UNC13C: variants seen among roughly 807,000 people sequenced by gnomAD.
UNC13C encodes the protein unc-13 homolog C.
A neutral mutation model predicts 245.4 loss-of-function variants in UNC13C; 174 were observed. That is an observed-to-expected ratio of 0.71 (90% CI 0.63 to 0.80). The LOEUF is 0.80. UNC13C is among the 30% of genes least tolerant of loss of function. UNC13C has a pLI of 0.00. For synonymous variants in UNC13C, 992 were observed against 895.1 expected, an observed-to-expected ratio of 1.11 and a Z score of -1.93; for missense variants, 2,829 against 2,602.9, an observed-to-expected ratio of 1.09 and a Z score of -1.89.
At chr15:53,985,890 A>G (rs1894118892) in intron 1 of UNC13C, among the ~76,000 whole-genome samples, 1 of 151,856 alleles carries the variant, frequency 6.6e-6, no homozygotes, top group South Asian at 2.1e-4. Flanking sequence ...TTTGGTCTAA[A>G]TCTTCCCATT....
At chr15:53,947,993 A>G in the UNC13C span, among the ~76,000 whole-genome samples, 1 of 152,218 alleles carries the variant, frequency 6.6e-6, no homozygotes, top group Non-Finnish European at 1.5e-5. Context: ...CTTTATCAGA[A>G]GGATTGATTT....
intron 13 of UNC13C, among the ~76,000 whole-genome samples, chr15:54,314,495 A>G (rs904951134): frequency 2.0e-5 from 3 of 151,658 alleles, no homozygotes; most frequent in African/African-American, 7.3e-5. Flanking sequence ...AAGCTATACC[A>G]TGGTGGATGG....
intron 4 of UNC13C, among the ~76,000 whole-genome samples, chr15:54,149,658 C>A (rs1320521262): frequency 1.3e-5 from 2 of 152,186 alleles, no homozygotes; most frequent in East Asian, 1.9e-4. Context: ...AGATCAATGT[C>A]TTTAAAGGAC....
intron 1 of UNC13C, among the ~76,000 whole-genome samples, chr15:53,981,666 G>C (rs1595675239): frequency 6.6e-6 from 1 of 152,248 alleles, no homozygotes; most frequent in East Asian, 1.9e-4. Flanking sequence ...TGTAGCTTTT[G>C]AGAATGCAAA....
At chr15:54,129,006 C>G (rs1023346329) in intron 2 of UNC13C, among the ~76,000 whole-genome samples, 1 of 152,230 alleles carries the variant, frequency 6.6e-6, no homozygotes, top group Non-Finnish European at 1.5e-5. Flanking sequence ...GGGCACATCA[C>G]TGCTGCTTCT....
chr15:54,591,520 G>A (rs1377533915), intron 30 of UNC13C, among the ~76,000 whole-genome samples: 2 of 152,048 alleles, frequency 1.3e-5, no homozygotes, highest in African/African-American at 2.4e-5. Flanking sequence ...GGCTAGGAGG[G>A]TTGTATTTTG....
chr15:53,991,410 G>A (rs141887979), intron 1 of UNC13C, among the ~76,000 whole-genome samples: 10 of 151,954 alleles, frequency 6.6e-5, no homozygotes, highest in African/African-American at 2.2e-4. Flanking sequence ...GTTCTTTCTA[G>A]AGCAGAAAAA....
chr15:54,493,975 A>G (rs889194584), intron 19 of UNC13C, among the ~76,000 whole-genome samples: 7 of 152,138 alleles, frequency 4.6e-5, no homozygotes, highest in Non-Finnish European at 7.4e-5. Flanking sequence ...ACTTTAGGTA[A>G]ACCTACAGAA....
At chr15:53,908,751 C>G in the UNC13C span, among the ~76,000 whole-genome samples, 7 of 5,978 alleles carry the variant, frequency 1.2e-3, no homozygotes, top group Non-Finnish European at 1.9e-3. Context: ...GAACCTTTCT[C>G]CAAAAAAAAA....
intron 2 of UNC13C, among the ~76,000 whole-genome samples, chr15:54,141,147 C>T (rs1253143086): frequency 6.6e-6 from 1 of 152,072 alleles, no homozygotes; most frequent in Non-Finnish European, 1.5e-5. Flanking sequence ...GTTTTCCAAA[C>T]TAGTTGCTAG....
At chr15:54,123,454 T>C (rs886353608) in intron 2 of UNC13C, among the ~76,000 whole-genome samples, 1 of 151,878 alleles carries the variant, frequency 6.6e-6, no homozygotes, top group Non-Finnish European at 1.5e-5. Context: ...GTATGTTTTC[T>C]TAGTATTTCA....
At chr15:54,452,806 G>C (rs549064813) in intron 19 of UNC13C, among the ~76,000 whole-genome samples, 36 of 152,202 alleles carry the variant, frequency 2.4e-4, no homozygotes, top group Admixed American at 2.4e-3. Context: ...TTGGCCCCAG[G>C]TGGCAGCTGC....
intron 4 of UNC13C, among the ~76,000 whole-genome samples, chr15:54,146,230 ATGAC>A (rs1156920077): frequency 6.6e-6 from 1 of 152,198 alleles, no homozygotes; most frequent in African/African-American, 2.4e-5. Context: ...CTAAAAAACT[ATGAC>A]TGGGGCAGAC....
chr15:54,471,366 A>G (rs550675469), intron 19 of UNC13C, among the ~76,000 whole-genome samples: 1 of 151,780 alleles, frequency 6.6e-6, no homozygotes, highest in South Asian at 2.1e-4. Context: ...CTGTAGTTGC[A>G]TATGCAGGTG....
intron 17 of UNC13C, among the ~76,000 whole-genome samples, chr15:54,378,738 T>TA (rs1388123321): frequency 6.6e-6 from 1 of 151,930 alleles, no homozygotes; most frequent in African/African-American, 2.4e-5. Flanking sequence ...TTTCTGATCC[T>TA]ATGTTCAGTT....
chr15:54,310,194 C>T lies in UNC13C; in HGVS notation c.4268+9821C>T, dbSNP rs796575892. ...ATTGGTTGTACTTGTAATCCTATTT[C>T]CACCCTGAGAATAATTTAAGTAGTG... On this transcript the variant is annotated intron_variant, in intron 13 of 32. Transcript: ENST00000260323. Among the ~76,000 whole-genome samples the T allele has an allele frequency of 1.2e-4, 18 of 151,612 alleles. 1 individual carries two copies. Among genetic ancestry groups the T allele is most frequent in the African/African-American group, 4.3e-4 (18 of 41,382 alleles).
intron 2 of UNC13C, among the ~76,000 whole-genome samples, chr15:54,138,647 TG>T (rs1003045243): frequency 1.3e-5 from 2 of 152,136 alleles, no homozygotes; most frequent in African/African-American, 4.8e-5. Flanking sequence ...TGCAATTTTT[TG>T]GTAGTAAATA....
the UNC13C span, among the ~76,000 whole-genome samples, chr15:53,871,282 T>C: frequency 6.6e-6 from 1 of 152,204 alleles, no homozygotes; most frequent in African/African-American, 2.4e-5. Flanking sequence ...TATGCCATTT[T>C]TAGCCATGCT....
chr15:54,159,051 G>A (rs1442700386), intron 4 of UNC13C, among the ~76,000 whole-genome samples: 1 of 152,078 alleles, frequency 6.6e-6, no homozygotes, highest in Non-Finnish European at 1.5e-5. Context: ...CTTTGGCAGG[G>A]GGGCCCACTT....
Sources: allele counts gnomAD v4.1 joint callset (sites outside exome capture counted in the v4.1 genomes callset), GRCh38; gene constraint gnomAD v4.1.1; transcripts MANE v1.5; gene names NCBI Gene and HGNC (gene_info 2026-07-23, HGNC 2026-07-21).